The following RABGAP1L variants were observed in gnomAD, a reference collection of about 807,000 sequenced individuals.
RABGAP1L encodes rab GTPase-activating protein 1-like.
RABGAP1L carries 63 observed loss-of-function variants against 137.7 expected under a neutral mutation model. The ratio of observed to expected loss-of-function variants is 0.46; its 90% CI spans 0.37 to 0.56. The LOEUF (loss-of-function observed/expected upper bound fraction) is 0.56, where lower values mean the gene tolerates loss of function less well. RABGAP1L is among the 20% of genes least tolerant of loss of function. The pLI is 0.00. For missense variants in RABGAP1L, 1,095 were observed against 1,244.0 expected, an observed-to-expected ratio of 0.88 and a Z score of 1.80; for synonymous variants, 431 against 433.7, an observed-to-expected ratio of 0.99 and a Z score of 0.08.
intron 14 of RABGAP1L, among the ~76,000 whole-genome samples, chr1:174,675,053 A>G (rs1348933511): frequency 4.0e-5 from 6 of 151,672 alleles, no homozygotes; most frequent in African/African-American, 9.7e-5. Flanking sequence ...GTTCACTCTG[A>G]TGGTAGTTTC....
chr1:174,763,658 A>ACGTCTC (rs1685428575), intron 18 of RABGAP1L, among the ~76,000 whole-genome samples: 9 of 88,478 alleles, frequency 1.0e-4, no homozygotes, highest in African/African-American at 5.6e-4. Flanking sequence ...CTCAAAAAAA[A>ACGTCTC]AAAAAAAAAA....
chr1:174,362,754 G>T (rs755365334), intron 11 of RABGAP1L, among the ~76,000 whole-genome samples: 2 of 152,032 alleles, frequency 1.3e-5, no homozygotes, highest in Non-Finnish European at 2.9e-5. Context: ...ATAGTGTTTT[G>T]TTGTTGTTGT....
intron 1 of RABGAP1L, among the ~76,000 whole-genome samples, chr1:174,187,172 G>A (rs902810956): frequency 1.3e-4 from 20 of 151,882 alleles, no homozygotes; most frequent in Admixed American, 8.5e-4. Flanking sequence ...GAGAGGCTTC[G>A]TAAATATTAG....
chr1:174,463,105 G>A (rs1319395196), intron 13 of RABGAP1L, among the ~76,000 whole-genome samples: 2 of 152,080 alleles, frequency 1.3e-5, no homozygotes, highest in South Asian at 2.1e-4. Context: ...TCAGTGTGGC[G>A]ATTCCTCAGG....
At chr1:174,828,331 A>G (rs1212270296) in intron 19 of RABGAP1L, among the ~76,000 whole-genome samples, 1 of 147,844 alleles carries the variant, frequency 6.8e-6, no homozygotes, top group African/African-American at 2.5e-5. Flanking sequence ...AACTAACCTC[A>G]GTTTATCACT....
At chr1:174,541,367 C>T (rs991854057) in intron 13 of RABGAP1L, among the ~76,000 whole-genome samples, 3 of 152,134 alleles carry the variant, frequency 2.0e-5, no homozygotes, top group African/African-American at 7.2e-5. Flanking sequence ...CTGTCTTGTG[C>T]CAGTTTTCAA....
chr1:174,612,560 G>A (rs1671363815), intron 13 of RABGAP1L, among the ~76,000 whole-genome samples: 1 of 152,158 alleles, frequency 6.6e-6, no homozygotes, highest in Non-Finnish European at 1.5e-5. Flanking sequence ...TCAGGATGAT[G>A]CTGGCCTCAT....
rs532865230 is a variant in RABGAP1L at position 174,637,092 on chromosome 1, A to T, written c.1711-283A>T. ...GAAAGAAACAGTCTAGTTTGCTTCA[A>T]TGGAGATGTATGTATACAACTTCCC... On this transcript the variant is annotated intron_variant, in intron 13 of 25. Coordinates refer to ENST00000681986, the MANE Select transcript of RABGAP1L (RefSeq NM_001366446.1). 1.0e-3 allele frequency among the ~76,000 whole-genome samples: 156 copies of T among 152,278 alleles called. 2 individuals carry two copies. Among genetic ancestry groups the T allele is most frequent in the Admixed American group, 1.9e-3 (29 of 15,292 alleles).
chr1:174,861,183 T>A (rs1170877693), intron 19 of RABGAP1L, among the ~76,000 whole-genome samples: 1 of 152,226 alleles, frequency 6.6e-6, no homozygotes, highest in Non-Finnish European at 1.5e-5. Flanking sequence ...ACTGAAGTCA[T>A]ATAATATTTG....
intron 13 of RABGAP1L, among the ~76,000 whole-genome samples, chr1:174,557,040 T>C (rs1666927155): frequency 6.6e-6 from 1 of 152,220 alleles, no homozygotes; most frequent in Admixed American, 6.5e-5. Context: ...TTATGACTAG[T>C]GCAAAGGGAC....
At chr1:174,394,814 T>G (rs1183809271) in intron 13 of RABGAP1L, among the ~76,000 whole-genome samples, 1 of 152,076 alleles carries the variant, frequency 6.6e-6, no homozygotes, top group East Asian at 1.9e-4. Context: ...TAATCAAGAC[T>G]TTGTTCCTCA....
intron 19 of RABGAP1L, among the ~76,000 whole-genome samples, chr1:174,899,688 G>A (rs1035247730): frequency 6.6e-5 from 10 of 151,992 alleles, no homozygotes; most frequent in African/African-American, 1.9e-4. Flanking sequence ...CTCATGAGGC[G>A]TATTTTAGTC....
intron 19 of RABGAP1L, among the ~76,000 whole-genome samples, chr1:174,916,887 G>A (rs556178298): frequency 1.3e-5 from 2 of 152,206 alleles, no homozygotes; most frequent in East Asian, 3.9e-4. Context: ...TAGTCAACTC[G>A]GACTGCCATA....
chr1:174,700,130 ATGT>A (rs1679541008), intron 16 of RABGAP1L, among the ~76,000 whole-genome samples: 1 of 152,196 alleles, frequency 6.6e-6, no homozygotes, highest in South Asian at 2.1e-4. Flanking sequence ...CCTAATCTCA[ATGT>A]TGTTGTTGTG....
chr1:174,927,936 T>C (rs923092053), intron 19 of RABGAP1L, among the ~76,000 whole-genome samples: 1 of 152,210 alleles, frequency 6.6e-6, no homozygotes, highest in Non-Finnish European at 1.5e-5. Context: ...GTTGCCTCTC[T>C]ATTCTTTCTT....
chr1:174,848,979 T>C (rs1443008993), intron 19 of RABGAP1L, among the ~76,000 whole-genome samples: 1 of 151,680 alleles, frequency 6.6e-6, no homozygotes, highest in Admixed American at 6.6e-5. Flanking sequence ...CGGGTGGGAG[T>C]GACCCGATTT....
In RABGAP1L at chr1:174,990,052, T is replaced by A; in HGVS notation, c.*51T>A. On this transcript the variant is annotated 3_prime_UTR_variant, in exon 26 of 26. Transcript: ENST00000681986. ...CACAATGTTCAAACCAATGGAAATC[T>A]GGGAGGATTCTTCCTGGTGTCCCTT... 1 of 1,458,438 alleles carries A rather than the reference T, an allele frequency of 6.9e-7. No individual in the cohort carries two copies. Among genetic ancestry groups the A allele is most frequent in the Middle Eastern group, 1.7e-4 (1 of 5,738 alleles). 90.3% of individuals were successfully genotyped at this position (1,458,438 alleles called of 1,614,324 possible).
chr1:174,171,829 C>T (rs1665416049), intron 1 of RABGAP1L, among the ~76,000 whole-genome samples: 2 of 151,962 alleles, frequency 1.3e-5, no homozygotes, highest in African/African-American at 2.4e-5. Context: ...GGTGAAAACC[C>T]GTCTCTACTA....
At chr1:174,707,953 T>C (rs1175465166) in intron 17 of RABGAP1L, among the ~76,000 whole-genome samples, 1 of 152,360 alleles carries the variant, frequency 6.6e-6, no homozygotes, top group Admixed American at 6.5e-5. Context: ...AGGAAAATAC[T>C]GGTATTTCTT....
Sources: allele counts gnomAD v4.1 joint callset (sites outside exome capture counted in the v4.1 genomes callset), GRCh38; gene constraint gnomAD v4.1.1; transcripts MANE v1.5; gene names NCBI Gene and HGNC (gene_info 2026-07-23, HGNC 2026-07-21).